The following AIG1 variants were observed in gnomAD, a reference collection of about 807,000 sequenced individuals.
AIG1 encodes androgen-induced gene 1 protein.
Under a neutral mutation model 31.4 loss-of-function variants are expected in AIG1, and 23 were observed. The observed-to-expected ratio is 0.73, with a 90% CI of 0.53 to 1.04. AIG1 has a LOEUF of 1.04. AIG1 is among the 50% of genes least tolerant of loss of function. The probability of loss-of-function intolerance (pLI) is 0.00; values close to 1 mark genes in which losing one functional copy is unlikely to be tolerated. For synonymous variants in AIG1, 100 were observed against 110.5 expected, an observed-to-expected ratio of 0.90 and a Z score of 0.60; for missense variants, 274 against 295.0, an observed-to-expected ratio of 0.93 and a Z score of 0.52.
intron 3 of AIG1, chr6:143,189,396 A>G (rs934538352): frequency 1.0e-6 from 1 of 979,344 alleles, no homozygotes; most frequent in Admixed American, 6.1e-5. Context: ...CTCACATTTT[A>G]TATAGTAACT....
chr6:143,333,439 C>T lies in AIG1; in HGVS notation c.673C>T (p.Gln225Ter), dbSNP rs1289077778. 1.9e-6 allele frequency: 3 copies of T among 1,613,022 alleles called. No homozygotes were observed. The highest frequency in any genetic ancestry group is 2.5e-6 in the Non-Finnish European group (3 of 1,179,632). ...TCTGAACAACTATATCTGGGATACA[C>T]AGAAAAGTAAGTATTGTCTGAGGGA... is the stretch of plus-strand genomic sequence containing the variant. ...EVLNNYIWDT[Q>*]KSMEEEKEKP... Residue 225 changes from glutamine (Q) to a stop codon, truncating the protein, a stop_gained, in exon 5 of 6, where the codon CAG (glutamine) becomes TAG (stop). Coordinates refer to ENST00000357847, the MANE Select transcript of AIG1 (RefSeq NM_016108.4). LOFTEE classifies it high-confidence loss of function. The surrounding 1 kb of genome is among the most constrained non-coding windows in gnomAD (Gnocchi z 4.6).
At position 143,241,091 on chromosome 6, in the gene AIG1, G is replaced by A. The variant is rs60278837; in HGVS notation, c.400-43019G>A. On this transcript the variant is annotated intron_variant, in intron 3 of 5. Coordinates refer to ENST00000357847, the MANE Select transcript of AIG1 (RefSeq NM_016108.4). ...GCAGAGGGTATTAGAAAAGTGGTCT[G>A]AAAAAAAAAAATCAACAACAACAAA... Among the ~76,000 whole-genome samples, 1,203 of 146,728 alleles carry A rather than the reference G, an allele frequency of 8.2e-3. 12 individuals are homozygous for A. The highest frequency in any genetic ancestry group is 0.029 in the African/African-American group (1,152 of 40,184).
chr6:143,084,729 A>G (rs989472683), intron 1 of AIG1, among the ~76,000 whole-genome samples: 4 of 152,034 alleles, frequency 2.6e-5, no homozygotes, highest in African/African-American at 9.7e-5. Flanking sequence ...AGGCAGTAGG[A>G]TTTTCTTCCT....
chr6:143,185,173 C>T (rs142703532), intron 3 of AIG1, among the ~76,000 whole-genome samples: 1,482 of 144,886 alleles, frequency 0.01, 16 homozygotes, highest in African/African-American at 0.035. Context: ...TCCAGCCTGG[C>T]GACAGAGCGA....
intron 3 of AIG1, among the ~76,000 whole-genome samples, chr6:143,235,991 T>C (rs1793776862): frequency 6.6e-6 from 1 of 152,204 alleles, no homozygotes; most frequent in South Asian, 2.1e-4. Flanking sequence ...AGGGAGGAGA[T>C]GAGAAGACCT....
At chr6:143,241,693 C>A (rs1004398567) in intron 3 of AIG1, among the ~76,000 whole-genome samples, 1 of 152,132 alleles carries the variant, frequency 6.6e-6, no homozygotes, top group Non-Finnish European at 1.5e-5. Context: ...GGTGAGGGAA[C>A]TGAAGCACAG....
intron 3 of AIG1, among the ~76,000 whole-genome samples, chr6:143,266,852 G>A (rs1009061315): frequency 2.0e-5 from 3 of 152,256 alleles, no homozygotes; most frequent in East Asian, 1.9e-4. Context: ...GAAGTGGAAG[G>A]ATTGCTTGAG....
rs1011647392 is a variant in AIG1 at position 143,333,654 on chromosome 6, A to G, written c.679+209A>G. On this transcript the variant is annotated intron_variant, in intron 5 of 5. Transcript: ENST00000357847. The surrounding 1 kb of genome is among the most constrained non-coding windows in gnomAD (Gnocchi z 4.6). Reference sequence around the variant, plus strand: ...TACTAGTCACTTGGTCTTGTTAGCTAGTAAAACCTCCAAATCTAAAGAGGA... The same window carrying G: ...TACTAGTCACTTGGTCTTGTTAGCTGGTAAAACCTCCAAATCTAAAGAGGA... Among the ~76,000 whole-genome samples, 2 of 152,332 alleles carry G rather than the reference A, an allele frequency of 1.3e-5. No individual in the cohort carries two copies. Among genetic ancestry groups the G allele is most frequent in the East Asian group, 3.9e-4 (2 of 5,184 alleles).
At chr6:143,069,754 GTTTAT>G (rs922839717) in intron 1 of AIG1, among the ~76,000 whole-genome samples, 1 of 152,134 alleles carries the variant, frequency 6.6e-6, no homozygotes, top group African/African-American at 2.4e-5. Context: ...CCTGTCTGTA[GTTTAT>G]TTTATCAATA....
intron 1 of AIG1, among the ~76,000 whole-genome samples, chr6:143,124,796 A>G (rs939994549): frequency 6.6e-6 from 1 of 152,146 alleles, no homozygotes; most frequent in African/African-American, 2.4e-5. Flanking sequence ...CCAGATGCTT[A>G]TAAAACCATC....
In AIG1 at chr6:143,244,679, T is replaced by A. The variant is rs369458405; in HGVS notation, c.400-39431T>A. Among the ~76,000 whole-genome samples, 173 of 152,344 alleles carry A rather than the reference T, an allele frequency of 1.1e-3. 6 individuals are homozygous for A. The South Asian group carries it at 0.033, about 29-fold the overall frequency. On this transcript the variant is annotated intron_variant, in intron 3 of 5. Transcript: ENST00000357847. The stretch of plus-strand genomic sequence containing the variant: ...AAACACTGTGAGCATCAAGGTATAG[T>A]CTGGAGAGCTGATTTAACTGCAAAG...
At chr6:143,121,197 CT>C (rs1782210362) in intron 1 of AIG1, among the ~76,000 whole-genome samples, 2 of 152,148 alleles carry the variant, frequency 1.3e-5, no homozygotes, top group South Asian at 4.1e-4. Flanking sequence ...CATTCCACAC[CT>C]CTGTATTTCT....
intron 2 of AIG1, among the ~76,000 whole-genome samples, chr6:143,144,156 C>T (rs970572401): frequency 1.3e-5 from 2 of 152,168 alleles, no homozygotes; most frequent in African/African-American, 4.8e-5. Context: ...TTCTTAAACA[C>T]AATAGTCACA....
At chr6:143,249,856 T>C (rs563601510) in intron 3 of AIG1, among the ~76,000 whole-genome samples, 4 of 152,306 alleles carry the variant, frequency 2.6e-5, no homozygotes, top group Admixed American at 6.5e-5. Context: ...TGCACCTCCA[T>C]TGGGCATGTA....
intron 4 of AIG1, among the ~76,000 whole-genome samples, chr6:143,286,371 T>C (rs1562557942): frequency 1.3e-5 from 2 of 152,156 alleles, no homozygotes; most frequent in Admixed American, 1.3e-4. Context: ...CCAGTACTTG[T>C]TTGGACATGT....
intron 4 of AIG1, among the ~76,000 whole-genome samples, chr6:143,319,952 A>T (rs1198800702): frequency 2.0e-5 from 3 of 152,210 alleles, no homozygotes; most frequent in Non-Finnish European, 4.4e-5. Context: ...GGGAGAAAGT[A>T]TTTGTAAATT....
chr6:143,079,494 A>T (rs1778018629), intron 1 of AIG1, among the ~76,000 whole-genome samples: 1 of 152,130 alleles, frequency 6.6e-6, no homozygotes, highest in African/African-American at 2.4e-5. Flanking sequence ...CAGGCAGTTG[A>T]TTTTTGTACT....
chr6:143,152,151 AAATAGAGGCATTG>A (rs1254690795), intron 2 of AIG1, among the ~76,000 whole-genome samples: 9 of 152,212 alleles, frequency 5.9e-5, no homozygotes, highest in African/African-American at 1.9e-4. Flanking sequence ...CCAAGGCATC[AAATAGAGGCATTG>A]ACACATAGTC....
chr6:143,290,718 C>T (rs1295084206), intron 4 of AIG1, among the ~76,000 whole-genome samples: 1 of 152,162 alleles, frequency 6.6e-6, no homozygotes. Flanking sequence ...AACCGACTGA[C>T]CATCACCTGA....
Sources: gnomAD v4.1 joint callset for allele counts (sites outside exome capture counted in the v4.1 genomes callset) on GRCh38, gnomAD v4.1.1 for gene constraint, Gnocchi (gnomAD v3.1) non-coding constraint, MANE v1.5 for transcripts, NCBI Gene and HGNC (gene_info 2026-07-23, HGNC 2026-07-21) for gene names.